The following MAK variants were observed in gnomAD, a reference collection of about 807,000 sequenced individuals.
The protein encoded by MAK is male germ cell associated kinase.
A neutral mutation model predicts 82.6 loss-of-function variants in MAK; 65 were observed. The ratio of observed to expected loss-of-function variants is 0.79; its 90% CI spans 0.64 to 0.97. MAK has a LOEUF of 0.97. MAK is among the 50% of genes least tolerant of loss of function. The probability of loss-of-function intolerance (pLI) is 0.00; values close to 1 mark genes in which losing one functional copy is unlikely to be tolerated. For synonymous variants in MAK, 250 were observed against 274.2 expected, an observed-to-expected ratio of 0.91 and a Z score of 0.87; for missense variants, 703 against 780.2, an observed-to-expected ratio of 0.90 and a Z score of 1.18.
intron 8 of MAK, 66 bp from the exon 9 acceptor site, chr6:10,796,375 A>ATGGT: frequency 7.3e-7 from 1 of 1,362,028 alleles, no homozygotes; most frequent in Non-Finnish European, 1.0e-6. Context: ...CACATAAACT[A>ATGGT]TGGTTGGCCC....
intron 11 of MAK, among the ~76,000 whole-genome samples, chr6:10,777,408 C>A (rs78463462): frequency 3.8e-4 from 53 of 137,676 alleles, no homozygotes; most frequent in African/African-American, 4.4e-4. Flanking sequence ...AAGACTGTCA[C>A]AAAAAAAAAA....
chr6:10,785,494 A>C (rs1210933103), intron 10 of MAK, among the ~76,000 whole-genome samples: 15 of 152,146 alleles, frequency 9.9e-5, no homozygotes, highest in Admixed American at 9.8e-4. Context: ...CCTACTCACC[A>C]AGTTGGCTCC....
intron 1 of MAK, among the ~76,000 whole-genome samples, chr6:10,837,830 C>G (rs910234002): frequency 2.6e-5 from 4 of 152,196 alleles, no homozygotes; most frequent in Non-Finnish European, 4.4e-5. Flanking sequence ...TCTGATCCGA[C>G]TCTGCAAACC....
At chr6:10,811,092 G>A (rs773393457) in intron 5 of MAK, among the ~76,000 whole-genome samples, 3 of 152,140 alleles carry the variant, frequency 2.0e-5, no homozygotes, top group Admixed American at 1.3e-4. Flanking sequence ...TCCGCCTCCC[G>A]GGTTCAAGCA....
intron 10 of MAK, among the ~76,000 whole-genome samples, chr6:10,788,927 GTATTT>G (rs1026095386): frequency 2.0e-5 from 3 of 151,988 alleles, no homozygotes; most frequent in East Asian, 1.9e-4. Flanking sequence ...GATAGAAACA[GTATTT>G]TATAAGATGA....
At chr6:10,821,990 A>G (rs1176762816) in intron 2 of MAK, among the ~76,000 whole-genome samples, 1 of 151,436 alleles carries the variant, frequency 6.6e-6, no homozygotes, top group Non-Finnish European at 1.5e-5. Context: ...TACTGAAAAT[A>G]CAAAAAATTA....
In MAK at chr6:10,767,344, A is replaced by G. The variant is rs535446833; in HGVS notation, c.1793-2738T>C. Among the ~76,000 whole-genome samples, 3 of 152,324 alleles carry G rather than the reference A, an allele frequency of 2.0e-5. No homozygotes were observed. In the South Asian group the frequency reaches 6.2e-4, roughly 32 times the overall value. ...GGAGGATTAATGAGTTAATGTACAC[A>G]GAGTGCTTAAAACAGGATCCTGCAC... On this transcript the variant is annotated intron_variant, in intron 14 of 14. Transcript: ENST00000354489.
intron 14 of MAK, 125 bp from the exon 15 acceptor site, chr6:10,764,731 C>T: frequency 3.1e-6 from 3 of 953,696 alleles, no homozygotes; most frequent in South Asian, 1.4e-5. Context: ...TAACTCAGTA[C>T]TCTCTGAGGC....
chr6:10,834,178 T>A (rs913817321), intron 1 of MAK, among the ~76,000 whole-genome samples: 118 of 152,336 alleles, frequency 7.7e-4, no homozygotes, highest in African/African-American at 2.7e-3. Context: ...CTAGCCTATT[T>A]AAGGTGACAT....
At chr6:10,828,155 G>T (rs488862) in intron 2 of MAK, among the ~76,000 whole-genome samples, 1 of 151,922 alleles carries the variant, frequency 6.6e-6, no homozygotes, top group South Asian at 2.1e-4. Flanking sequence ...ATTTTATGAA[G>T]TTATTTCCTT....
At chr6:10,837,637 A>G (rs1779236392) in intron 1 of MAK, among the ~76,000 whole-genome samples, 1 of 152,268 alleles carries the variant, frequency 6.6e-6, no homozygotes, top group Non-Finnish European at 1.5e-5. Flanking sequence ...CGTTATCATT[A>G]GAACAAATGT....
intron 11 of MAK, chr6:10,779,450 G>C (rs1276312617): frequency 2.0e-6 from 2 of 985,138 alleles, no homozygotes; most frequent in African/African-American, 3.5e-5. Context: ...TTCCCTGAAG[G>C]CCAGTGTCAC....
chr6:10,813,136 A>ATATATTTTT (rs1561987243), intron 5 of MAK, among the ~76,000 whole-genome samples: 1 of 726 alleles, frequency 1.4e-3, no homozygotes, highest in African/African-American at 4.1e-3. Context: ...ATATATATAA[A>ATATATTTTT]TTTTTTTTTT....
intron 2 of MAK, among the ~76,000 whole-genome samples, chr6:10,822,852 G>A (rs868721377): frequency 5.9e-5 from 9 of 152,256 alleles, no homozygotes; most frequent in Admixed American, 1.3e-4. Context: ...ACTTAATTAA[G>A]TGAGGGAATC....
Position 10,803,776 on chromosome 6 carries a change from TC to T in MAK, c.606del (p.Thr203GlnfsTer14). Reference protein sequence around the residue: ...ELYMLRPLFPGTSEVDEIFKI... With the variant: ...ELYMLRPLFPXTSEVDEIFKI... ...TTAAAGATTTCATCGACCTCACTTGTCCCTGGGAAAAGTGGCCTTAACATAT... is the reference window on the plus strand; with the variant it reads ...TTAAAGATTTCATCGACCTCACTTGTCCTGGGAAAAGTGGCCTTAACATAT... On this transcript the variant is annotated frameshift_variant, in exon 7 of 15. Transcript: ENST00000354489. LOFTEE classifies it high-confidence loss of function. The T allele has an allele frequency of 6.2e-7, 1 of 1,614,106 alleles. No individual in the cohort carries two copies. The highest frequency in any genetic ancestry group is 1.1e-5 in the South Asian group (1 of 91,084).
intron 1 of MAK, among the ~76,000 whole-genome samples, chr6:10,836,977 T>C (rs1453965974): frequency 1.3e-5 from 2 of 152,236 alleles, no homozygotes; most frequent in Non-Finnish European, 2.9e-5. Flanking sequence ...AAGTGCACAA[T>C]TGTTGTAAAT....
At chr6:10,787,585 G>A (rs188219394) in intron 10 of MAK, among the ~76,000 whole-genome samples, 1 of 152,162 alleles carries the variant, frequency 6.6e-6, no homozygotes, top group South Asian at 2.1e-4. Flanking sequence ...ATGGCTGGGC[G>A]CAGTGGCTCA....
At position 10,817,956 on chromosome 6, in the gene MAK, T is replaced by C. The variant is rs758042729; in HGVS notation, c.172A>G (p.Asn58Asp). ...TTCAATTTAATAACATTGGCATGAT[T>C]AAGTTTCTTCAGAGACTGAAAAATA... ...LREVKSLKKL[N>D]HANVIKLKEV... Residue 58 changes from asparagine (N) to aspartate (D), a missense_variant, in exon 4 of 15, where the codon AAT becomes GAT. By Grantham distance (23) the Asn-to-Asp change is conservative. Transcript: ENST00000354489. 2.1e-5 allele frequency: 30 copies of C among 1,440,694 alleles called. No individual in the cohort carries two copies. Among genetic ancestry groups the C allele is most frequent in the Non-Finnish European group, 2.8e-5 (29 of 1,043,976 alleles). 89.2% of individuals were successfully genotyped at this position (1,440,694 alleles called of 1,614,324 possible).
Position 10,817,894 on chromosome 6 carries a change from T to G in MAK, c.234A>C (p.Ile78=). 2 of 1,436,046 alleles carry G rather than the reference T, an allele frequency of 1.4e-6. No homozygotes were observed. Among genetic ancestry groups the G allele is most frequent in the Middle Eastern group, 3.7e-4 (2 of 5,458 alleles). The allele number at this position is 1,436,046 out of a possible 1,614,324, so 89.0% of individuals were successfully genotyped here. A position where few individuals can be genotyped will look rare whatever the true frequency, so the allele number is the denominator to read the frequency against. The change falls in exon 4 of 15, where the codon ATA becomes ATC. Residue 78 remains isoleucine, a synonymous_variant. Transcript: ENST00000354489. ...AGAGGTTTTCTTTCATATATTCAAA[T>G]ATAAAATAAAGATGGTCATTTTCTC... The part of the protein sequence containing the change: ...VIRENDHLYF[I]FEYMKENLYQ...
Sources: gnomAD v4.1 joint callset for allele counts (sites outside exome capture counted in the v4.1 genomes callset) on GRCh38, gnomAD v4.1.1 for gene constraint, MANE v1.5 for transcripts, NCBI Gene and HGNC (gene_info 2026-07-23, HGNC 2026-07-21) for gene names.